Variants in CHIA observed in about 807,000 individuals in gnomAD.
The protein encoded by CHIA is acidic mammalian chitinase.
Under a neutral mutation model 53.5 loss-of-function variants are expected in CHIA, and 47 were observed. That is an observed-to-expected ratio of 0.88 (90% CI 0.70 to 1.12). The LOEUF is 1.12. CHIA is among the 50% of genes most tolerant of loss of function. The pLI is 0.00. For missense variants in CHIA, 652 were observed against 592.2 expected, an observed-to-expected ratio of 1.10 and a Z score of -1.05; for synonymous variants, 268 against 222.2, an observed-to-expected ratio of 1.21 and a Z score of -1.83.
chr1:111,310,694 T>A (rs543239954), intron 2 of CHIA, among the ~76,000 whole-genome samples: 16 of 152,356 alleles, frequency 1.1e-4, no homozygotes, highest in Admixed American at 3.3e-4. Context: ...TCTGGTAACA[T>A]TTCTGCTTTT....
At chr1:111,295,356 G>C (rs1292810590) in intron 1 of CHIA, among the ~76,000 whole-genome samples, 1 of 152,008 alleles carries the variant, frequency 6.6e-6, no homozygotes, top group Non-Finnish European at 1.5e-5. Flanking sequence ...TAAGATTTTT[G>C]GTTACTAATT....
At position 111,312,237 on chromosome 1, in the gene CHIA, C is replaced by T. The variant is rs61752461; in HGVS notation, c.103C>T (p.Arg35Trp). ...CTACTTCACCAACTGGGCCCAGTAC[C>T]GGCCAGGCCTGGGGCGCTTCATGCC... ...TCYFTNWAQY[R>W]PGLGRFMPDN... The change falls in exon 4 of 12, where the codon CGG becomes TGG. Residue 35 changes from arginine to tryptophan, a missense_variant. Physicochemically the swap from Arg to Trp is moderately radical, Grantham distance 101. Coordinates refer to ENST00000369740, the MANE Select transcript of CHIA (RefSeq NM_201653.4). The T allele has an allele frequency of 2.3e-3, 3,779 of 1,614,084 alleles. 69 individuals carry two copies. In the African/African-American group the frequency reaches 0.045, roughly 19 times the overall value.
At chr1:111,296,712 C>T (rs532963429) in intron 1 of CHIA, among the ~76,000 whole-genome samples, 127 of 152,262 alleles carry the variant, frequency 8.3e-4, no homozygotes, top group African/African-American at 2.4e-3. Flanking sequence ...CAAAGCTGGA[C>T]GGAGAATATG....
intron 8 of CHIA, 89 bp from the exon 9 acceptor site, chr1:111,318,404 A>G (rs1449630309): frequency 8.8e-7 from 1 of 1,135,418 alleles, no homozygotes; most frequent in African/African-American, 1.6e-5. Context: ...AACAGCATAG[A>G]GTTTTACCTG....
chr1:111,312,461 A>C, intron 4 of CHIA, 70 bp downstream of exon 4: 1 of 1,254,458 alleles, frequency 8.0e-7, no homozygotes, highest in Non-Finnish European at 1.2e-6. Context: ...TGCTTCTTAA[A>C]ATGTAGTTCA....
chr1:111,307,250 T>C (rs1425162396), intron 1 of CHIA, among the ~76,000 whole-genome samples: 1 of 152,190 alleles, frequency 6.6e-6, no homozygotes, highest in East Asian at 1.9e-4. Flanking sequence ...ATTTGTATAA[T>C]GGAATACCAT....
At position 111,310,392 on chromosome 1, in the gene CHIA, C is replaced by G; in HGVS notation, c.-68-8C>G. 1 of 1,603,394 alleles carries G rather than the reference C, an allele frequency of 6.2e-7. No homozygotes were observed. The highest frequency in any genetic ancestry group is 8.5e-7 in the Non-Finnish European group (1 of 1,176,256). On this transcript the variant is annotated splice_region_variant and splice_polypyrimidine_tract_variant and intron_variant, in intron 1 of 11. Transcript: ENST00000369740. ...ATACACATCTGGGTCAAATTGTTCTCTATTTAGAAGCCTTTGTGATAACCA... is the reference window on the plus strand; with the variant it reads ...ATACACATCTGGGTCAAATTGTTCTGTATTTAGAAGCCTTTGTGATAACCA...
chr1:111,300,332 T>C (rs1197654756), intron 1 of CHIA, among the ~76,000 whole-genome samples: 1 of 152,166 alleles, frequency 6.6e-6, no homozygotes, highest in African/African-American at 2.4e-5. Context: ...CTTCAAACTA[T>C]ACTACAAGGC....
At chr1:111,305,396 T>C (rs1648098080) in intron 1 of CHIA, among the ~76,000 whole-genome samples, 1 of 152,204 alleles carries the variant, frequency 6.6e-6, no homozygotes, top group African/African-American at 2.4e-5. Flanking sequence ...TGCACCTTTG[T>C]AATCAGAAGC....
At chr1:111,295,650 A>G (rs1451662896) in intron 1 of CHIA, among the ~76,000 whole-genome samples, 2 of 149,026 alleles carry the variant, frequency 1.3e-5, no homozygotes, top group African/African-American at 4.9e-5. Flanking sequence ...GACTGGTTAG[A>G]AGACAGGTGA....
At chr1:111,316,640 G>A (rs1649181794) in intron 6 of CHIA, 1 of 152,202 alleles carries the variant, frequency 6.6e-6, no homozygotes, top group Non-Finnish European at 1.5e-5. Flanking sequence ...TGATGAGTAT[G>A]AGGTATCTGT....
At chr1:111,301,982 A>G (rs1647787328) in intron 1 of CHIA, among the ~76,000 whole-genome samples, 1 of 152,188 alleles carries the variant, frequency 6.6e-6, no homozygotes, top group African/African-American at 2.4e-5. Flanking sequence ...GCAGCAAACC[A>G]ACATGGCATA....
At chr1:111,298,605 T>G (rs914911105) in intron 1 of CHIA, among the ~76,000 whole-genome samples, 1 of 152,300 alleles carries the variant, frequency 6.6e-6, no homozygotes, top group Non-Finnish European at 1.5e-5. Flanking sequence ...GAGGGAAATT[T>G]ATAGCACTAA....
chr1:111,315,261 C>T lies in CHIA; in HGVS notation c.315-9C>T. The T allele has an allele frequency of 6.2e-7, 1 of 1,609,580 alleles. No homozygotes were observed. Among genetic ancestry groups the T allele is most frequent in the African/African-American group, 1.3e-5 (1 of 74,900 alleles). On this transcript the variant is annotated splice_polypyrimidine_tract_variant and intron_variant, in intron 5 of 11. Coordinates refer to ENST00000369740, the MANE Select transcript of CHIA (RefSeq NM_201653.4). ...AGGTCTCACCCTGCCTTCTTTGGGT[C>T]TCCCTCAGTTTCACTGCCATGGTTT...
chr1:111,313,050 C>T (rs1374154057), intron 4 of CHIA, among the ~76,000 whole-genome samples: 1 of 152,136 alleles, frequency 6.6e-6, no homozygotes, highest in Non-Finnish European at 1.5e-5. Flanking sequence ...GTCCATTCAT[C>T]CATTGAGGGG....
chr1:111,291,466 A>G (rs980310716), intron 1 of CHIA, among the ~76,000 whole-genome samples: 3 of 151,906 alleles, frequency 2.0e-5, no homozygotes, highest in Non-Finnish European at 4.4e-5. Context: ...AACAATGAGA[A>G]CACATGGACA....
At chr1:111,308,781 C>T (rs56146935) in intron 1 of CHIA, among the ~76,000 whole-genome samples, 20,084 of 152,104 alleles carry the variant, frequency 0.13, 1,544 homozygotes, top group African/African-American at 0.19. Context: ...CATAGAAAGA[C>T]TTGGTTTCTA....
chr1:111,303,719 T>C (rs1647951096), intron 1 of CHIA, among the ~76,000 whole-genome samples: 1 of 152,194 alleles, frequency 6.6e-6, no homozygotes, highest in Non-Finnish European at 1.5e-5. Context: ...AACTAATGAT[T>C]CTTTGAAATG....
chr1:111,296,405 C>A lies in CHIA; in HGVS notation c.-69+5455C>A, dbSNP rs1198021960. ...TCTATAATATTTGCTGTTCCGCAGCCTCCACTGGTAATACCCAGGCAAACA... is the reference window on the plus strand; with the variant it reads ...TCTATAATATTTGCTGTTCCGCAGCATCCACTGGTAATACCCAGGCAAACA... On this transcript the variant is annotated intron_variant, in intron 1 of 11. Coordinates refer to ENST00000369740, the MANE Select transcript of CHIA (RefSeq NM_201653.4). Among the ~76,000 whole-genome samples the A allele has an allele frequency of 2.6e-5, 4 of 152,312 alleles. No homozygotes were observed. In the East Asian group the frequency reaches 7.7e-4, roughly 29 times the overall value.
Sources: allele counts gnomAD v4.1 joint callset (sites outside exome capture counted in the v4.1 genomes callset), GRCh38; gene constraint gnomAD v4.1.1; transcripts MANE v1.5; gene names NCBI Gene and HGNC (gene_info 2026-07-23, HGNC 2026-07-21).